The following PDE1C variants were observed in gnomAD, a reference collection of about 807,000 sequenced individuals.
PDE1C encodes the protein dual specificity calcium/calmodulin-dependent 3',5'-cyclic nucleotide phosphodiesterase 1C.
PDE1C carries 62 observed loss-of-function variants against 93.1 expected under a neutral mutation model. That is an observed-to-expected ratio of 0.67 (90% CI 0.54 to 0.82). The LOEUF is 0.82. PDE1C is among the 40% of genes least tolerant of loss of function. The pLI is 0.00. For missense variants in PDE1C, 742 were observed against 884.6 expected (o/e 0.84, Z 2.04); for synonymous variants, 325 against 310.1 (o/e 1.05, Z -0.50).
chr7:31,956,374 G>A (rs943800197), intron 2 of PDE1C, among the ~76,000 whole-genome samples: 1 of 152,070 alleles, frequency 6.6e-6, no homozygotes, highest in Non-Finnish European at 1.5e-5. Context: ...TTACAGGTGT[G>A]AGCCACTGCA....
At position 31,865,142 on chromosome 7, in the gene PDE1C, G is replaced by C. The variant is rs112389069; in HGVS notation, c.610-60C>G. On this transcript the variant is annotated intron_variant, in intron 6 of 17. Coordinates refer to ENST00000396191, the MANE Select transcript of PDE1C (RefSeq NM_001191057.4). ...CTTCACTGCTTTCAATGGAGACACAGAAGTCTAAGGCACCAGGACTGCTTT... is the reference window on the plus strand; with the variant it reads ...CTTCACTGCTTTCAATGGAGACACACAAGTCTAAGGCACCAGGACTGCTTT... The C allele has an allele frequency of 1.5e-4, 241 of 1,582,368 alleles. No individual in the cohort carries two copies. The African/African-American group carries it at 2.7e-3, about 18-fold the overall frequency.
intron 3 of PDE1C, among the ~76,000 whole-genome samples, chr7:32,155,515 G>A (rs564031077): frequency 1.1e-3 from 168 of 152,324 alleles, no homozygotes; most frequent in Non-Finnish European, 2.1e-3. Context: ...GTGGCAGAGT[G>A]GTTGCTCAGT....
chr7:31,693,944 G>T, the PDE1C span, among the ~76,000 whole-genome samples: 1 of 152,192 alleles, frequency 6.6e-6, no homozygotes, highest in Admixed American at 6.5e-5. Context: ...GCCATACTTA[G>T]AGTGTCCAAA....
intron 1 of PDE1C, among the ~76,000 whole-genome samples, chr7:32,364,859 G>C (rs1327096226): frequency 2.0e-5 from 3 of 152,184 alleles, no homozygotes; most frequent in Non-Finnish European, 4.4e-5. Context: ...ATGGAGCTTG[G>C]GCCCAGGATG....
At chr7:32,293,453 C>T (rs1329530958) in intron 1 of PDE1C, among the ~76,000 whole-genome samples, 1 of 152,144 alleles carries the variant, frequency 6.6e-6, no homozygotes, top group Non-Finnish European at 1.5e-5. Flanking sequence ...TGGCATACAC[C>T]GGTTTTAACC....
At chr7:32,259,447 T>C (rs1224246548) in intron 1 of PDE1C, among the ~76,000 whole-genome samples, 1 of 151,964 alleles carries the variant, frequency 6.6e-6, no homozygotes, top group Non-Finnish European at 1.5e-5. Flanking sequence ...AGTAAGAAGG[T>C]GGGGCAACTG....
chr7:32,321,149 C>T (rs1341523644), intron 1 of PDE1C, among the ~76,000 whole-genome samples: 1 of 152,188 alleles, frequency 6.6e-6, no homozygotes, highest in Non-Finnish European at 1.5e-5. Flanking sequence ...AAGAGAATTA[C>T]ACCAACCTCA....
At chr7:31,824,750 G>C (rs1419038076) in intron 13 of PDE1C, 117 bp downstream of exon 13, 9 of 1,327,894 alleles carry the variant, frequency 6.8e-6, no homozygotes, top group African/African-American at 1.5e-5. Flanking sequence ...AAATTTTTCT[G>C]AGAAGGAGCT....
At position 31,927,702 on chromosome 7, in the gene PDE1C, G is replaced by C. The variant is rs554508460; in HGVS notation, c.129-46842C>G. Among the ~76,000 whole-genome samples the C allele has an allele frequency of 1.4e-4, 22 of 152,254 alleles. No homozygotes were observed. The South Asian group carries it at 2.5e-3, about 17-fold the overall frequency. On this transcript the variant is annotated intron_variant, in intron 2 of 17. Coordinates refer to ENST00000396191, the MANE Select transcript of PDE1C (RefSeq NM_001191057.4). ...CAAACTCCAGCAGACCTGCAGAAGA[G>C]AGTCCTGTTAGAACTAACAAACAGA...
chr7:31,837,913 G>A lies in PDE1C; in HGVS notation c.1039C>T (p.Gln347Ter). 1.9e-6 allele frequency: 3 copies of A among 1,613,662 alleles called. No individual in the cohort carries two copies. Among genetic ancestry groups the A allele is most frequent in the Non-Finnish European group, 2.5e-6 (3 of 1,179,630 alleles). The change falls in exon 10 of 18, where the codon CAA becomes TAA. Residue 347 changes from glutamine to a stop codon, truncating the protein, a stop_gained. Coordinates refer to ENST00000396191, the MANE Select transcript of PDE1C (RefSeq NM_001191057.4). LOFTEE classifies it high-confidence loss of function. The part of the protein sequence containing the change: ...VMATDMSCHF[Q>*]QIKAMKTALQ... ...GCAGTCTTCATTGCTTTGATTTGTT[G>A]GAAGTGACAAGACATATCTGTGGCC...
intron 1 of PDE1C, among the ~76,000 whole-genome samples, chr7:32,297,492 C>T (rs1221919694): frequency 1.3e-5 from 2 of 152,108 alleles, no homozygotes; most frequent in East Asian, 1.9e-4. Flanking sequence ...CAGGGCTCCA[C>T]CTGAGACTTG....
At chr7:32,297,955 ATCTCTCTC>A (rs768784407) in intron 1 of PDE1C, among the ~76,000 whole-genome samples, 1,957 of 28,800 alleles carry the variant, frequency 0.068, 46 homozygotes, top group Non-Finnish European at 0.072. Flanking sequence ...CTATTGTTCA[ATCTCTCTC>A]TCTCTCTCTC....
At chr7:32,113,842 A>G (rs1798824943) in intron 3 of PDE1C, among the ~76,000 whole-genome samples, 1 of 152,136 alleles carries the variant, frequency 6.6e-6, no homozygotes, top group African/African-American at 2.4e-5. Flanking sequence ...AACAATAGAC[A>G]AGCAGAGAGC....
intron 16 of PDE1C, among the ~76,000 whole-genome samples, chr7:31,806,499 C>T (rs1346214776): frequency 6.6e-6 from 1 of 151,900 alleles, no homozygotes; most frequent in East Asian, 1.9e-4. Context: ...CAAAGGACAT[C>T]CATTCTTTGA....
At chr7:32,154,200 A>C in intron 3 of PDE1C, among the ~76,000 whole-genome samples, 1 of 152,188 alleles carries the variant, frequency 6.6e-6, no homozygotes, top group East Asian at 1.9e-4. Flanking sequence ...TTGAGGCTGC[A>C]GTGAGCTGTG....
At chr7:32,368,843 A>G (rs1251365626) in intron 1 of PDE1C, among the ~76,000 whole-genome samples, 1 of 152,146 alleles carries the variant, frequency 6.6e-6, no homozygotes. Context: ...AAATCAATCC[A>G]TGTATCTACT....
intron 2 of PDE1C, among the ~76,000 whole-genome samples, chr7:31,952,342 T>C (rs1807495951): frequency 6.6e-6 from 1 of 152,042 alleles, no homozygotes; most frequent in Admixed American, 6.6e-5. Context: ...CTCTGTCTCC[T>C]GGGTTCAAGC....
chr7:31,841,671 T>A (rs1240636410), intron 9 of PDE1C, among the ~76,000 whole-genome samples: 1 of 152,160 alleles, frequency 6.6e-6, no homozygotes, highest in Non-Finnish European at 1.5e-5. Flanking sequence ...TTTTAATTAA[T>A]TTTTGAATGC....
At chr7:32,236,472 G>A (rs1053704370) in intron 1 of PDE1C, among the ~76,000 whole-genome samples, 10 of 151,956 alleles carry the variant, frequency 6.6e-5, no homozygotes, top group East Asian at 1.9e-4. Context: ...GAAAACATTC[G>A]CCCCTAATTA....
Sources: gnomAD v4.1 joint callset for allele counts (sites outside exome capture counted in the v4.1 genomes callset) on GRCh38, gnomAD v4.1.1 for gene constraint, MANE v1.5 for transcripts, NCBI Gene and HGNC (gene_info 2026-07-23, HGNC 2026-07-21) for gene names.